The following TBC1D19 variants were observed in gnomAD, a reference collection of about 807,000 sequenced individuals.
TBC1D19 encodes the protein TBC1 domain family member 19.
In TBC1D19, 60 loss-of-function variants were observed where a neutral mutation model predicts 89.0. The observed-to-expected ratio is 0.67, with a 90% CI of 0.55 to 0.84. The LOEUF is 0.84. Ranked by LOEUF, TBC1D19 falls within the 40% of genes least tolerant of loss-of-function variation. TBC1D19 has a pLI of 0.00. For synonymous variants in TBC1D19, 189 were observed against 199.7 expected, an observed-to-expected ratio of 0.95 and a Z score of 0.45; for missense variants, 500 against 610.8, an observed-to-expected ratio of 0.82 and a Z score of 1.91.
intron 15 of TBC1D19, among the ~76,000 whole-genome samples, chr4:26,734,953 T>TATGTATATGTATATATGTATACAC (rs1167739006): frequency 3.4e-5 from 2 of 59,200 alleles, no homozygotes; most frequent in Non-Finnish European, 4.8e-5. Context: ...TGTATACACA[T>TATGTATATGTATATATGTATACAC]ATGTATATGT....
intron 9 of TBC1D19, among the ~76,000 whole-genome samples, chr4:26,667,438 T>C (rs1174252375): frequency 6.6e-6 from 1 of 152,092 alleles, no homozygotes; most frequent in Non-Finnish European, 1.5e-5. Flanking sequence ...GAACTTCATA[T>C]GAATAGAAGC....
At chr4:26,726,123 C>G (rs1054620803) in intron 15 of TBC1D19, among the ~76,000 whole-genome samples, 1 of 125,862 alleles carries the variant, frequency 7.9e-6, no homozygotes, top group Non-Finnish European at 1.6e-5. Context: ...TGGCAATTCT[C>G]CCAACACACA....
At chr4:26,785,737 G>T in the TBC1D19 span, among the ~76,000 whole-genome samples, 10 of 152,162 alleles carry the variant, frequency 6.6e-5, no homozygotes, top group African/African-American at 1.9e-4. Context: ...ACAACTGCTT[G>T]TCTGTTCATA....
intron 9 of TBC1D19, among the ~76,000 whole-genome samples, chr4:26,671,047 G>C (rs1417407521): frequency 6.6e-6 from 1 of 151,032 alleles, no homozygotes; most frequent in East Asian, 1.9e-4. Context: ...TATGCATTAG[G>C]GTTTATAACT....
At chr4:26,610,209 T>C (rs1220102118) in intron 1 of TBC1D19, among the ~76,000 whole-genome samples, 1 of 151,956 alleles carries the variant, frequency 6.6e-6, no homozygotes, top group African/African-American at 2.4e-5. Flanking sequence ...TTTGAAACTT[T>C]TTAACCCATA....
intron 15 of TBC1D19, among the ~76,000 whole-genome samples, chr4:26,727,088 T>G (rs1717366374): frequency 6.6e-6 from 1 of 152,176 alleles, no homozygotes; most frequent in African/African-American, 2.4e-5. Context: ...AGAAGAACTC[T>G]GAGGCCAGCT....
At chr4:26,654,076 C>T (rs1007652160) in intron 7 of TBC1D19, among the ~76,000 whole-genome samples, 13 of 152,142 alleles carry the variant, frequency 8.5e-5, no homozygotes, top group African/African-American at 3.1e-4. Context: ...CTGGTGGTGA[C>T]AAAATCTCTC....
rs1740727899 is a variant in TBC1D19 at position 26,602,839 on chromosome 4, T to C, written c.100-10330T>C. Among the ~76,000 whole-genome samples the C allele has an allele frequency of 3.3e-5, 5 of 152,170 alleles. No homozygotes were observed. The South Asian group carries it at 1.0e-3, about 32-fold the overall frequency. On this transcript the variant is annotated intron_variant, in intron 1 of 20. Transcript: ENST00000264866. Reference sequence around the variant, plus strand: ...TGAAGAAACAGTAAATAATTATTAATTGTATTACATCTCATCCCTTGAATA... The same window carrying C: ...TGAAGAAACAGTAAATAATTATTAACTGTATTACATCTCATCCCTTGAATA...
upstream of TBC1D19, among the ~76,000 whole-genome samples, chr4:26,580,974 G>A (rs1339986920): frequency 6.6e-6 from 1 of 152,136 alleles, no homozygotes; most frequent in Non-Finnish European, 1.5e-5. Context: ...GCAGGGTTGG[G>A]CCCAGAGCCC....
chr4:26,631,452 G>A (rs1742803067), intron 4 of TBC1D19, among the ~76,000 whole-genome samples: 1 of 151,962 alleles, frequency 6.6e-6, no homozygotes, highest in Non-Finnish European at 1.5e-5. Context: ...TATTTAATAG[G>A]TGGCTAATAA....
At chr4:26,766,333 G>T in the TBC1D19 span, among the ~76,000 whole-genome samples, 1 of 152,184 alleles carries the variant, frequency 6.6e-6, no homozygotes, top group African/African-American at 2.4e-5. Flanking sequence ...TGAGGAACAG[G>T]AACTATACTC....
chr4:26,855,904 G>C, the TBC1D19 span, among the ~76,000 whole-genome samples: 4 of 152,214 alleles, frequency 2.6e-5, no homozygotes, highest in South Asian at 8.3e-4. Flanking sequence ...ACAATGTTTT[G>C]AGCTATATGT....
chr4:26,740,215 A>G, intron 17 of TBC1D19, among the ~76,000 whole-genome samples: 1 of 152,198 alleles, frequency 6.6e-6, no homozygotes, highest in Non-Finnish European at 1.5e-5. Flanking sequence ...TCTTTTACAT[A>G]TTAAAAAAAT....
At chr4:26,671,351 A>C (rs1558722) in intron 9 of TBC1D19, among the ~76,000 whole-genome samples, 18,760 of 151,660 alleles carry the variant, frequency 0.12, 1,467 homozygotes, top group South Asian at 0.24. Context: ...AAGAGCCTCT[A>C]TTTAAGTCTT....
intron 11 of TBC1D19, among the ~76,000 whole-genome samples, chr4:26,674,583 A>G (rs1203273543): frequency 1.3e-5 from 2 of 152,082 alleles, no homozygotes; most frequent in Non-Finnish European, 2.9e-5. Context: ...GGGTTTTGGA[A>G]TCATACAGAC....
chr4:26,843,086 C>G, the TBC1D19 span, among the ~76,000 whole-genome samples: 1 of 152,148 alleles, frequency 6.6e-6, no homozygotes, highest in Non-Finnish European at 1.5e-5. Flanking sequence ...TTTCTGAGCA[C>G]AGGCTTGTCA....
chr4:26,671,873 A>G (rs1712338791), intron 9 of TBC1D19, among the ~76,000 whole-genome samples: 1 of 151,856 alleles, frequency 6.6e-6, no homozygotes, highest in Admixed American at 6.6e-5. Flanking sequence ...TTTAATTTTA[A>G]ACAAAAAATT....
chr4:26,720,585 A>T (rs567213354), intron 15 of TBC1D19, among the ~76,000 whole-genome samples: 2 of 152,306 alleles, frequency 1.3e-5, no homozygotes, highest in South Asian at 4.1e-4. Flanking sequence ...TTATAAAGTG[A>T]TCAAATATAT....
chr4:26,787,843 C>T, the TBC1D19 span, among the ~76,000 whole-genome samples: 1 of 152,108 alleles, frequency 6.6e-6, no homozygotes, highest in Non-Finnish European at 1.5e-5. Context: ...TATAGTTCCC[C>T]TTACCTTTTA....
Sources: allele counts gnomAD v4.1 joint callset (sites outside exome capture counted in the v4.1 genomes callset), GRCh38; gene constraint gnomAD v4.1.1; transcripts MANE v1.5; gene names NCBI Gene and HGNC (gene_info 2026-07-23, HGNC 2026-07-21).